Variants in TNKS observed in about 807,000 individuals in gnomAD.
TNKS encodes the protein tankyrase.
Under a neutral mutation model 135.8 loss-of-function variants are expected in TNKS, and 72 were observed. The observed-to-expected ratio is 0.53, with a 90% CI of 0.44 to 0.64. TNKS has a LOEUF of 0.64. Ranked by LOEUF, TNKS falls within the 30% of genes least tolerant of loss-of-function variation. The pLI, the probability that TNKS is intolerant of heterozygous loss-of-function variation, is 0.00. For missense variants in TNKS, 1,769 were observed against 1,674.0 expected, an observed-to-expected ratio of 1.06 and a Z score of -0.99; for synonymous variants, 849 against 649.3, an observed-to-expected ratio of 1.31 and a Z score of -4.68.
intron 1 of TNKS, chr8:9,558,187 C>T: frequency 6.6e-6 from 1 of 152,116 alleles, no homozygotes; most frequent in East Asian, 1.9e-4. Flanking sequence ...ATATTTTATT[C>T]TGTTTCATTT....
chr8:9,736,702 A>C (rs1289647475), intron 17 of TNKS, among the ~76,000 whole-genome samples: 1 of 86,234 alleles, frequency 1.2e-5, no homozygotes, highest in Non-Finnish European at 2.3e-5. Flanking sequence ...GTCAAAGATC[A>C]GATAGTTGTA....
intron 26 of TNKS, among the ~76,000 whole-genome samples, chr8:9,774,731 A>T (rs1164406646): frequency 6.6e-6 from 1 of 152,206 alleles, no homozygotes; most frequent in African/African-American, 2.4e-5. Context: ...AACTCATGCC[A>T]TTAGAATCTT....
rs1563180741 is a variant in TNKS, at chr8:9,706,967, C to T, written c.1426C>T (p.Pro476Ser). Residue 476 changes from proline (P) to serine (S), a missense_variant, in exon 8 of 27, where the codon CCA becomes TCA. Physicochemically the swap from Pro to Ser is moderately conservative, Grantham distance 74. Around this residue, in one of 5 missense-constraint regions of TNKS, gnomAD observed 523 missense variants for 541.0 expected, o/e 0.97. Coordinates refer to ENST00000310430, the MANE Select transcript of TNKS (RefSeq NM_003747.3). ...TGGCAAAAGTGCTGTGGATATGGCT[C>T]CAACTCCGGAGCTTAGGGAGAGATT... ...CHGKSAVDMAPTPELRERLTY... is the reference protein window; with the variant it reads ...CHGKSAVDMASTPELRERLTY... The T allele has an allele frequency of 1.2e-6, 2 of 1,608,672 alleles. No homozygotes were observed. Among genetic ancestry groups the T allele is most frequent in the Non-Finnish European group, 1.7e-6 (2 of 1,177,958 alleles).
At chr8:9,559,581 G>T (rs1449463905) in intron 1 of TNKS, among the ~76,000 whole-genome samples, 2 of 139,926 alleles carry the variant, frequency 1.4e-5, no homozygotes, top group Non-Finnish European at 3.1e-5. Context: ...GTAGTTTTTT[G>T]ATTTTCAGCC....
intron 11 of TNKS, among the ~76,000 whole-genome samples, chr8:9,715,048 G>A (rs545055252): frequency 5.9e-5 from 9 of 152,246 alleles, no homozygotes; most frequent in African/African-American, 2.2e-4. Flanking sequence ...GTGGTGGGAA[G>A]AGAAAGCTGG....
rs542853382 is a variant in TNKS, at chr8:9,706,797, T to C, written c.1270-14T>C. 1 of 1,584,846 alleles carries C rather than the reference T, an allele frequency of 6.3e-7. No individual in the cohort carries two copies. Among genetic ancestry groups the C allele is most frequent in the African/African-American group, 1.4e-5 (1 of 73,048 alleles). ...AATGATTACTGACCTAAAATGTTTT[T>C]TTTCTCAATTCAGCATGGAGCTTGT... On this transcript the variant is annotated splice_polypyrimidine_tract_variant and intron_variant, in intron 7 of 26. Transcript: ENST00000310430.
chr8:9,700,928 T>G (rs1410916925), intron 5 of TNKS, among the ~76,000 whole-genome samples: 1 of 112,658 alleles, frequency 8.9e-6, no homozygotes, highest in East Asian at 2.4e-4. Flanking sequence ...TTTCTTATGT[T>G]TTGCCCCCTT....
intron 2 of TNKS, among the ~76,000 whole-genome samples, chr8:9,611,666 T>C (rs1411335597): frequency 1.3e-5 from 2 of 152,252 alleles, no homozygotes; most frequent in Non-Finnish European, 2.9e-5. Flanking sequence ...AAACTATTGT[T>C]ACCTTTGCCT....
chr8:9,726,611 T>C (rs1241403323), intron 12 of TNKS, 30 bp from the exon 13 acceptor site: 3 of 1,533,376 alleles, frequency 2.0e-6, no homozygotes, highest in Non-Finnish European at 1.8e-6. Flanking sequence ...TTTGGATATA[T>C]ATATGAGTTC....
At chr8:9,740,826 G>GTTTTTTTTTTTTTTTTTTTTTTTTTTTT (rs66865048) in intron 17 of TNKS, 1 of 103,566 alleles carries the variant, frequency 9.7e-6, no homozygotes, top group Non-Finnish European at 1.8e-5. Flanking sequence ...AATTCTTGTT[G>GTTTTTTTTTTTTTTTTTTTTTTTTTTTT]TTTTTTTTTT....
chr8:9,571,140 T>G (rs1296084267), intron 1 of TNKS, among the ~76,000 whole-genome samples: 1 of 152,192 alleles, frequency 6.6e-6, no homozygotes, highest in East Asian at 1.9e-4. Flanking sequence ...AAGAGTAATT[T>G]CTACAACAAA....
intron 3 of TNKS, among the ~76,000 whole-genome samples, chr8:9,659,753 G>A (rs1408834610): frequency 6.6e-6 from 1 of 152,138 alleles, no homozygotes; most frequent in Non-Finnish European, 1.5e-5. Flanking sequence ...AACTGAAGGA[G>A]ATAGAGACAC....
intron 17 of TNKS, chr8:9,740,826 G>GTGTT (rs1554482055): frequency 9.7e-6 from 1 of 103,566 alleles, no homozygotes; most frequent in Non-Finnish European, 1.8e-5. Context: ...AATTCTTGTT[G>GTGTT]TTTTTTTTTT....
intron 22 of TNKS, among the ~76,000 whole-genome samples, chr8:9,763,844 A>AATT (rs1563218785): frequency 6.6e-6 from 1 of 152,118 alleles, no homozygotes; most frequent in Non-Finnish European, 1.5e-5. Context: ...TAAGCTACCC[A>AATT]ATTGTGTTAT....
rs1353751103 is a variant in TNKS, at chr8:9,751,896, G to T, written c.3070+50G>T. 3 of 1,556,056 alleles carry T rather than the reference G, an allele frequency of 1.9e-6. No individual in the cohort carries two copies. In the African/African-American group the frequency reaches 4.1e-5, roughly 21 times the overall value. On this transcript the variant is annotated intron_variant, in intron 19 of 26. Transcript: ENST00000310430. The stretch of plus-strand genomic sequence containing the variant: ...TTTATTTATACCTTTTGTTAGTGGA[G>T]CAGAATGACTTTTTTCTATTGATAA...
chr8:9,650,991 A>G (rs1801128353), intron 3 of TNKS, among the ~76,000 whole-genome samples: 1 of 152,194 alleles, frequency 6.6e-6, no homozygotes. Context: ...ATTGAATTTT[A>G]TATAAAGTGA....
chr8:9,558,937 T>C (rs1393359397), intron 1 of TNKS: 2 of 152,164 alleles, frequency 1.3e-5, no homozygotes, highest in Non-Finnish European at 2.9e-5. Flanking sequence ...ATGAAAAAAA[T>C]TATCAGTTGA....
At chr8:9,660,849 G>C (rs1801671904) in intron 3 of TNKS, among the ~76,000 whole-genome samples, 1 of 152,114 alleles carries the variant, frequency 6.6e-6, no homozygotes, top group South Asian at 2.1e-4. Flanking sequence ...CATCGTTTCA[G>C]CCCAAAATCT....
intron 1 of TNKS, among the ~76,000 whole-genome samples, chr8:9,571,463 T>G (rs545692929): frequency 6.6e-6 from 1 of 152,210 alleles, no homozygotes; most frequent in East Asian, 1.9e-4. Flanking sequence ...ATTCCACGTT[T>G]TTTTCTTTTT....
Sources: allele counts gnomAD v4.1 joint callset (sites outside exome capture counted in the v4.1 genomes callset), GRCh38; gene constraint gnomAD v4.1.1; regional missense constraint gnomAD v4.1.1; transcripts MANE v1.5; gene names NCBI Gene and HGNC (gene_info 2026-07-23, HGNC 2026-07-21).